Variants in TP53BP1 observed in about 807,000 individuals in gnomAD.
The protein encoded by TP53BP1 is TP53-binding protein 1.
In TP53BP1, 61 loss-of-function variants were observed where a neutral mutation model predicts 200.8. The observed-to-expected ratio is 0.30, with a 90% CI of 0.25 to 0.38. The LOEUF (loss-of-function observed/expected upper bound fraction) is 0.38, where lower values mean the gene tolerates loss of function less well. TP53BP1 is among the 10% of genes least tolerant of loss of function. TP53BP1 has a pLI of 1.00. For missense variants in TP53BP1, 2,144 were observed against 2,371.9 expected (o/e 0.90, Z 2.00); for synonymous variants, 822 against 844.3 (o/e 0.97, Z 0.46).
In TP53BP1 at chr15:43,472,513, A is replaced by C. The variant is rs532561832; in HGVS notation, c.1180+2160T>G. ...GAAAAGGAAAGCTTTCTTGTGAATA[A>C]AGTAATATAAAATCTCTAAGTCGTC... On this transcript the variant is annotated intron_variant, in intron 10 of 27. Coordinates refer to ENST00000382044, the MANE Select transcript of TP53BP1 (RefSeq NM_001141980.3). 1.6e-4 allele frequency among the ~76,000 whole-genome samples: 24 copies of C among 152,344 alleles called. No individual in the cohort carries two copies. The South Asian group carries it at 4.8e-3, about 30-fold the overall frequency.
intron 17 of TP53BP1, among the ~76,000 whole-genome samples, chr15:43,431,395 C>T (rs958964850): frequency 4.6e-5 from 7 of 152,030 alleles, no homozygotes; most frequent in Admixed American, 1.3e-4. Flanking sequence ...TACATTTCTA[C>T]GACTTCTTTT....
At chr15:43,495,674 G>A (rs1297862485), upstream of TP53BP1, among the ~76,000 whole-genome samples, 4 of 151,654 alleles carry the variant, frequency 2.6e-5, no homozygotes, top group Admixed American at 6.6e-5. Flanking sequence ...AAAATTAGCC[G>A]GGTGCGCGGG....
In TP53BP1 at chr15:43,403,537, CCT is replaced by C. The variant is rs2044747568; in HGVS notation, c.*3844_*3845del. 1.6e-6 allele frequency: 1 copy of C among 617,390 alleles called. No individual in the cohort carries two copies. Among genetic ancestry groups the C allele is most frequent in the African/African-American group, 1.8e-5 (1 of 54,228 alleles). The allele number at this position is 617,390 out of a possible 1,614,324, so 38.2% of individuals were successfully genotyped here. ...TTTGTGCGTCTGAGGGGCTGGCAGGCCTTGCACGTGGCAGTGTCTATCCTGTC... is the reference window on the plus strand; with the variant it reads ...TTTGTGCGTCTGAGGGGCTGGCAGGCTGCACGTGGCAGTGTCTATCCTGTC... On this transcript the variant is annotated 3_prime_UTR_variant, in exon 28 of 28. Transcript: ENST00000382044.
chr15:43,410,020 T>C (rs937236781), intron 24 of TP53BP1, among the ~76,000 whole-genome samples: 13 of 152,182 alleles, frequency 8.5e-5, no homozygotes, highest in African/African-American at 3.1e-4. Flanking sequence ...GGACCGTTGA[T>C]AGGGATGGGA....
chr15:43,481,158 T>C lies in TP53BP1; in HGVS notation c.372-136A>G. ...GTAAAATACCTCACCTTTATAGTGC[T>C]TCTTTCTACAAAAAGCACCTAAAAG... On this transcript the variant is annotated intron_variant, in intron 4 of 27. Transcript: ENST00000382044. 3.3e-6 allele frequency: 3 copies of C among 900,402 alleles called. 1 individual carries two copies. The South Asian group carries it at 6.0e-5, about 18-fold the overall frequency. 55.8% of individuals were successfully genotyped at this position (900,402 alleles called of 1,614,324 possible).
intron 1 of TP53BP1, among the ~76,000 whole-genome samples, chr15:43,509,853 A>AAAAAC (rs566514793): frequency 6.6e-6 from 1 of 152,140 alleles, no homozygotes; most frequent in African/African-American, 2.4e-5. Flanking sequence ...CAAAAACCCA[A>AAAAAC]AAAACAAAAC....
rs374872100 is a variant in TP53BP1, at chr15:43,492,389, A to C, written c.87T>G (p.Asp29Glu). The C allele has an allele frequency of 9.4e-5, 152 of 1,614,032 alleles. No individual in the cohort carries two copies. Among genetic ancestry groups the C allele is most frequent in the Non-Finnish European group, 1.2e-4 (146 of 1,180,004 alleles). Residue 29 changes from aspartate to glutamate, a missense_variant, in exon 2 of 28, where the codon GAT becomes GAG. This residue lies in a region of TP53BP1 where 1,700 missense variants were observed against 1,710.3 expected (regional missense o/e 0.99). Transcript: ENST00000382044. Reference sequence around the variant, plus strand: ...CTAGAACCTGGCTTTCAGGCTGAGAATCTTCAATTATCAGGCAAGGAGTAT... The same window carrying C: ...CTAGAACCTGGCTTTCAGGCTGAGACTCTTCAATTATCAGGCAAGGAGTAT... ...QQDTPCLIIE[D>E]SQPESQVLED...
chr15:43,499,813 G>C (rs531694518), intron 1 of TP53BP1, among the ~76,000 whole-genome samples: 1 of 152,298 alleles, frequency 6.6e-6, no homozygotes, highest in African/African-American at 2.4e-5. Context: ...GGTGGAGAGA[G>C]AGCAGTGTAT....
chr15:43,407,897 A>G, intron 27 of TP53BP1, 46 bp downstream of exon 27: 4 of 1,577,836 alleles, frequency 2.5e-6, no homozygotes, highest in Non-Finnish European at 3.4e-6. Flanking sequence ...CTACAGGTCT[A>G]AGGAGATCCC....
intron 12 of TP53BP1, among the ~76,000 whole-genome samples, chr15:43,452,915 C>A (rs1566942764): frequency 6.6e-6 from 1 of 152,116 alleles, no homozygotes. Context: ...GTACTCCAGG[C>A]CGGGCGCGGT....
In TP53BP1 at chr15:43,469,941, G is replaced by C. The variant is rs1342772354; in HGVS notation, c.1306C>G (p.Gln436Glu). 4 of 1,614,082 alleles carry C rather than the reference G, an allele frequency of 2.5e-6. No individual in the cohort carries two copies. The Admixed American group carries it at 6.7e-5, about 27-fold the overall frequency. ...CTCTGAGATATTGGTGTTGAGGCTT[G>C]TGGTGATACAGTGGACTCAGGCAGG... ...PLLPESTVSP[Q>E]ASTPISQSTP... The change falls in exon 11 of 28, where the codon CAA (glutamine) becomes GAA (glutamate). Residue 436 changes from glutamine (Q) to glutamate (E), a missense_variant. Physicochemically the swap from Gln to Glu is conservative, Grantham distance 29. Transcript: ENST00000382044.
At chr15:43,419,173 T>C (rs1167483402) in intron 21 of TP53BP1, among the ~76,000 whole-genome samples, 1 of 152,152 alleles carries the variant, frequency 6.6e-6, no homozygotes, top group Non-Finnish European at 1.5e-5. Context: ...TGAGCCTAGA[T>C]TGCGCCACTG....
intron 24 of TP53BP1, among the ~76,000 whole-genome samples, 194 bp downstream of exon 24, chr15:43,412,925 A>C (rs1020170964): frequency 5.3e-5 from 8 of 152,212 alleles, no homozygotes; most frequent in African/African-American, 1.9e-4. Flanking sequence ...GGAACCACTC[A>C]CTGAGAGGAA....
At chr15:43,453,627 G>A (rs1231531522) in intron 12 of TP53BP1, among the ~76,000 whole-genome samples, 2 of 151,370 alleles carry the variant, frequency 1.3e-5, no homozygotes, top group African/African-American at 4.9e-5. Context: ...ACCTAAGCTG[G>A]AGTGCAGTGA....
Position 43,432,615 on chromosome 15 carries a change from T to C in TP53BP1, c.3254A>G (p.Asp1085Gly), listed in dbSNP as rs955729362. ...GEEEKEKLEG[D>G]HTIRQSQQPM... Reference sequence around the variant, plus strand: ...CTGTTGACTCTGCCTGATTGTATGGTCACCCTCCAATTTTTCTTTCTCCTC... The same window carrying C: ...CTGTTGACTCTGCCTGATTGTATGGCCACCCTCCAATTTTTCTTTCTCCTC... The change falls in exon 17 of 28, where the codon GAC becomes GGC. Residue 1085 changes from aspartate to glycine, a missense_variant. Physicochemically the swap from Asp to Gly is moderately conservative, Grantham distance 94 (BLOSUM62 -1). Transcript: ENST00000382044. The C allele has an allele frequency of 6.2e-7, 1 of 1,612,456 alleles. No individual in the cohort carries two copies. Among genetic ancestry groups the C allele is most frequent in the Non-Finnish European group, 8.5e-7 (1 of 1,178,686 alleles).
intron 7 of TP53BP1, among the ~76,000 whole-genome samples, chr15:43,478,127 C>T (rs1208239934): frequency 6.6e-6 from 1 of 152,148 alleles, no homozygotes; most frequent in Non-Finnish European, 1.5e-5. Flanking sequence ...GAGAACAGTC[C>T]AAACCATGAC....
intron 14 of TP53BP1, among the ~76,000 whole-genome samples, chr15:43,444,474 AGTCTACT>A (rs1458053597): frequency 6.6e-6 from 1 of 152,208 alleles, no homozygotes; most frequent in Non-Finnish European, 1.5e-5. Flanking sequence ...ACTTTAACTC[AGTCTACT>A]GAGTTGCTAA....
At chr15:43,486,957 T>A (rs2079055521) in intron 4 of TP53BP1, among the ~76,000 whole-genome samples, 1 of 152,170 alleles carries the variant, frequency 6.6e-6, no homozygotes, top group African/African-American at 2.4e-5. Context: ...ATGACTTATA[T>A]TATTCTGTTA....
At chr15:43,407,781 C>T in intron 27 of TP53BP1, 162 bp downstream of exon 27, 1 of 808,202 alleles carries the variant, frequency 1.2e-6, no homozygotes, top group Non-Finnish European at 1.9e-6. Context: ...ACGTCCAGTG[C>T]TTCACTTATG....
Sources: gnomAD v4.1 joint callset for allele counts (sites outside exome capture counted in the v4.1 genomes callset) on GRCh38, gnomAD v4.1.1 for gene constraint, gnomAD v4.1.1 regional missense constraint, MANE v1.5 for transcripts, NCBI Gene and HGNC (gene_info 2026-07-23, HGNC 2026-07-21) for gene names.